Variants in SMIM10L2A observed in about 807,000 individuals in gnomAD.
The protein encoded by SMIM10L2A is small integral membrane protein 10-like protein 2A.
In SMIM10L2A, 2 loss-of-function variants were observed where a neutral mutation model predicts 3.0. The observed-to-expected ratio is 0.66, with a 90% CI of 0.27 to 2.08. The LOEUF (loss-of-function observed/expected upper bound fraction) is 2.08, where lower values mean the gene tolerates loss of function less well. Ranked by LOEUF, SMIM10L2A falls within the 30% of genes most tolerant of loss-of-function variation. The pLI is 0.14. For synonymous variants in SMIM10L2A, 29 were observed against 34.8 expected (o/e 0.83, Z 0.58); for missense variants, 59 against 66.5 (o/e 0.89, Z 0.39).
In SMIM10L2A at chrX:135,427,703, T is replaced by C. The variant is rs2085157952; in HGVS notation, c.*4433T>C. 8.9e-6 allele frequency: 1 copy of C among 112,535 alleles called. No individual in the cohort carries two copies. Among genetic ancestry groups the C allele is most frequent in the Non-Finnish European group, 1.9e-5 (1 of 53,356 alleles). The allele number at this position is 112,535 out of a possible 1,213,427, so 9.3% of individuals were successfully genotyped here. A position where few individuals can be genotyped will look rare whatever the true frequency, so the allele number is the denominator to read the frequency against. On this transcript the variant is annotated 3_prime_UTR_variant, in exon 2 of 2. Coordinates refer to ENST00000417443, the MANE Select transcript of SMIM10L2A (RefSeq NM_203306.3). ...TGTCTTACCATGTTATTATGTATTT[T>C]CCTACATCCAAAGCTACCTAGTATC...
Position 135,426,889 on chromosome X carries a change from G to A in SMIM10L2A, c.*3619G>A, listed in dbSNP as rs781979256. The A allele has an allele frequency of 7.9e-5, 9 of 113,350 alleles. No individual in the cohort carries two copies. The highest frequency in any genetic ancestry group is 1.7e-4 in the Non-Finnish European group (9 of 53,408). 9.3% of individuals were successfully genotyped at this position (113,350 alleles called of 1,213,427 possible). On this transcript the variant is annotated 3_prime_UTR_variant, in exon 2 of 2. Coordinates refer to ENST00000417443, the MANE Select transcript of SMIM10L2A (RefSeq NM_203306.3). ...ACTACTGTGTGGTGCCAGGCAAGCTGTGCACAACCTGGAGTTTTTAGTAAG... is the reference window on the plus strand; with the variant it reads ...ACTACTGTGTGGTGCCAGGCAAGCTATGCACAACCTGGAGTTTTTAGTAAG...
In SMIM10L2A at chrX:135,422,387, G is replaced by C; in HGVS notation, c.*19G>C. On this transcript the variant is annotated 3_prime_UTR_variant, in exon 1 of 2. Coordinates refer to ENST00000417443, the MANE Select transcript of SMIM10L2A (RefSeq NM_203306.3). Reference sequence around the variant, plus strand: ...CGAGTGAGCGCCGGCGGCGGCGGCGGCGAAGGCCCGGCTGAAGGGGCGCCC... The same window carrying C: ...CGAGTGAGCGCCGGCGGCGGCGGCGCCGAAGGCCCGGCTGAAGGGGCGCCC... The C allele has an allele frequency of 1.9e-5, 10 of 537,969 alleles. No individual in the cohort carries two copies. The highest frequency in any genetic ancestry group is 2.7e-5 in the Non-Finnish European group (10 of 376,096). The allele number at this position is 537,969 out of a possible 1,213,427, so 44.3% of individuals were successfully genotyped here.
chrX:135,427,639 A>G lies in SMIM10L2A; in HGVS notation c.*4369A>G, dbSNP rs193145629. Reference sequence around the variant, plus strand: ...CACCTTTTATGTATGTAAAACTACAAACATACTACTTTGAAATCTGATTCC... The same window carrying G: ...CACCTTTTATGTATGTAAAACTACAGACATACTACTTTGAAATCTGATTCC... On this transcript the variant is annotated 3_prime_UTR_variant, in exon 2 of 2. Transcript: ENST00000417443. 2 of 112,607 alleles carry G rather than the reference A, an allele frequency of 1.8e-5. No individual in the cohort carries two copies. The highest frequency in any genetic ancestry group is 6.4e-5 in the African/African-American group (2 of 31,009). 9.3% of individuals were successfully genotyped at this position (112,607 alleles called of 1,213,427 possible).
Position 135,423,687 on chromosome X carries a change from C to T in SMIM10L2A, c.*417C>T, listed in dbSNP as rs781894703. 70 of 113,964 alleles carry T rather than the reference C, an allele frequency of 6.1e-4. No homozygotes were observed. Among genetic ancestry groups the T allele is most frequent in the African/African-American group, 2.1e-3 (66 of 31,454 alleles). 9.4% of individuals were successfully genotyped at this position (113,964 alleles called of 1,213,427 possible). ...CCTTCTCTGGCCTTGCCAAGAGTCA[C>T]ATCCCTGCCCAGGGGCACCTCTGGC... On this transcript the variant is annotated 3_prime_UTR_variant, in exon 2 of 2. Coordinates refer to ENST00000417443, the MANE Select transcript of SMIM10L2A (RefSeq NM_203306.3).
Position 135,427,605 on chromosome X carries a change from C to T in SMIM10L2A, c.*4335C>T, listed in dbSNP as rs187324317. 2.7e-5 allele frequency: 3 copies of T among 112,723 alleles called. No individual in the cohort carries two copies. The highest frequency in any genetic ancestry group is 5.6e-5 in the Non-Finnish European group (3 of 53,301). The allele number at this position is 112,723 out of a possible 1,213,427, so 9.3% of individuals were successfully genotyped here. A position where few individuals can be genotyped will look rare whatever the true frequency, so the allele number is the denominator to read the frequency against. On this transcript the variant is annotated 3_prime_UTR_variant, in exon 2 of 2. Coordinates refer to ENST00000417443, the MANE Select transcript of SMIM10L2A (RefSeq NM_203306.3). ...TTGCTGGGTTTTGGACGAATTTTCACTTTGTGTGCACCTTTTATGTATGTA... is the reference window on the plus strand; with the variant it reads ...TTGCTGGGTTTTGGACGAATTTTCATTTTGTGTGCACCTTTTATGTATGTA...
At chrX:135,423,380 C>T (rs1214086404) in intron 1 of SMIM10L2A, among the ~76,000 whole-genome samples, 4 of 112,848 alleles carry the variant, frequency 3.5e-5, no homozygotes, top group African/African-American at 1.3e-4. Flanking sequence ...GCCCATGCTC[C>T]CTAAGGCCCC....
chrX:135,422,235 C>G lies in SMIM10L2A; in HGVS notation c.104C>G (p.Ala35Gly). 9.2e-7 allele frequency: 1 copy of G among 1,082,187 alleles called. No homozygotes were observed. The allele number at this position is 1,082,187 out of a possible 1,213,427, so 89.2% of individuals were successfully genotyped here. A position where few individuals can be genotyped will look rare whatever the true frequency, so the allele number is the denominator to read the frequency against. ...RSAAARGSYG[A>G]FCKGLTRTLL... ...GCTGCGGCCCGAGGCTCGTACGGCG[C>G]CTTCTGCAAGGGGCTCACGCGCACG... Residue 35 changes from alanine to glycine, a missense_variant, in exon 1 of 2, where the codon GCC (alanine) becomes GGC (glycine). Physicochemically the swap from Ala to Gly is moderately conservative, Grantham distance 60. Transcript: ENST00000417443.
In SMIM10L2A at chrX:135,422,566, G is replaced by A. The variant is rs1195109567; in HGVS notation, c.*198G>A. ...TGGCCCCGGCTGCGGTCTCAGCCCG[G>A]GGGCCCTGGATCGCGCAGAAACGCA... On this transcript the variant is annotated 3_prime_UTR_variant, in exon 1 of 2. Coordinates refer to ENST00000417443, the MANE Select transcript of SMIM10L2A (RefSeq NM_203306.3). The A allele has an allele frequency of 1.7e-5, 4 of 232,819 alleles. No individual in the cohort carries two copies. Among genetic ancestry groups the A allele is most frequent in the African/African-American group, 8.8e-5 (3 of 34,277 alleles). 19.2% of individuals were successfully genotyped at this position (232,819 alleles called of 1,213,427 possible).
Position 135,422,470 on chromosome X carries a change from G to C in SMIM10L2A, c.*102G>C, listed in dbSNP as rs1232227965. On this transcript the variant is annotated 3_prime_UTR_variant, in exon 1 of 2. Coordinates refer to ENST00000417443, the MANE Select transcript of SMIM10L2A (RefSeq NM_203306.3). ...CATGAAGGAAAGCTGGGCCGCGGCG[G>C]GGGGCGGAGGCGGGGCGGCTCGGAC... is the stretch of plus-strand genomic sequence containing the variant. The C allele has an allele frequency of 4.4e-5, 12 of 271,964 alleles. No homozygotes were observed. Among genetic ancestry groups the C allele is most frequent in the Non-Finnish European group, 7.7e-5 (12 of 156,856 alleles). 22.4% of individuals were successfully genotyped at this position (271,964 alleles called of 1,213,427 possible). A position where few individuals can be genotyped will look rare whatever the true frequency, so the allele number is the denominator to read the frequency against.
Position 135,424,363 on chromosome X carries a change from T to G in SMIM10L2A, c.*1093T>G, listed in dbSNP as rs1231452764. 2.7e-5 allele frequency: 3 copies of G among 110,424 alleles called. No individual in the cohort carries two copies. Among genetic ancestry groups the G allele is most frequent in the African/African-American group, 6.6e-5 (2 of 30,183 alleles). 9.1% of individuals were successfully genotyped at this position (110,424 alleles called of 1,213,427 possible). ...TGGGCAAGTGGGGGTGATCTTGGTG[T>G]TGTGGCTCCTGGAGACACGACATAA... On this transcript the variant is annotated 3_prime_UTR_variant, in exon 2 of 2. Coordinates refer to ENST00000417443, the MANE Select transcript of SMIM10L2A (RefSeq NM_203306.3).
In SMIM10L2A at chrX:135,427,073, G is replaced by C. The variant is rs1159917238; in HGVS notation, c.*3803G>C. The C allele has an allele frequency of 8.9e-6, 1 of 112,726 alleles. No homozygotes were observed. Among genetic ancestry groups the C allele is most frequent in the Non-Finnish European group, 1.9e-5 (1 of 53,328 alleles). 9.3% of individuals were successfully genotyped at this position (112,726 alleles called of 1,213,427 possible). On this transcript the variant is annotated 3_prime_UTR_variant, in exon 2 of 2. Coordinates refer to ENST00000417443, the MANE Select transcript of SMIM10L2A (RefSeq NM_203306.3). ...CTGCCATGTGCCAGGCACCATACTA[G>C]GTGCTTTGCATTCCTAATCTCATCA...
Position 135,422,466 on chromosome X carries a change from G to A in SMIM10L2A, c.*98G>A, listed in dbSNP as rs1309236894. On this transcript the variant is annotated 3_prime_UTR_variant, in exon 1 of 2. Coordinates refer to ENST00000417443, the MANE Select transcript of SMIM10L2A (RefSeq NM_203306.3). ...CCGGCATGAAGGAAAGCTGGGCCGCGGCGGGGGGCGGAGGCGGGGCGGCTC... is the reference window on the plus strand; with the variant it reads ...CCGGCATGAAGGAAAGCTGGGCCGCAGCGGGGGGCGGAGGCGGGGCGGCTC... 28 of 269,581 alleles carry A rather than the reference G, an allele frequency of 1.0e-4. No individual in the cohort carries two copies. Among genetic ancestry groups the A allele is most frequent in the Non-Finnish European group, 1.6e-4 (25 of 155,509 alleles). 22.2% of individuals were successfully genotyped at this position (269,581 alleles called of 1,213,427 possible). A position where few individuals can be genotyped will look rare whatever the true frequency, so the allele number is the denominator to read the frequency against.
chrX:135,422,032 G>C lies in SMIM10L2A; in HGVS notation c.-100G>C. 1 of 260,104 alleles carries C rather than the reference G, an allele frequency of 3.8e-6. No homozygotes were observed. The highest frequency in any genetic ancestry group is 6.8e-6 in the Non-Finnish European group (1 of 147,039). The allele number at this position is 260,104 out of a possible 1,213,427, so 21.4% of individuals were successfully genotyped here. On this transcript the variant is annotated 5_prime_UTR_variant, in exon 1 of 2. Coordinates refer to ENST00000417443, the MANE Select transcript of SMIM10L2A (RefSeq NM_203306.3). ...ACGGGGGCGGGGCGGCCGCGGCTCTGGGCGACCCGCTGGGTGCACTAGTGC... is the reference window on the plus strand; with the variant it reads ...ACGGGGGCGGGGCGGCCGCGGCTCTCGGCGACCCGCTGGGTGCACTAGTGC...
In SMIM10L2A at chrX:135,427,188, C is replaced by G. The variant is rs2085156175; in HGVS notation, c.*3918C>G. On this transcript the variant is annotated 3_prime_UTR_variant, in exon 2 of 2. Coordinates refer to ENST00000417443, the MANE Select transcript of SMIM10L2A (RefSeq NM_203306.3). ...TGAAACAGAGCCCCAAGAAGAAGCT[C>G]TTTTCCTGAGCTACCAGTGCCCCTT... The G allele has an allele frequency of 8.9e-6, 1 of 112,632 alleles. No individual in the cohort carries two copies. The highest frequency in any genetic ancestry group is 1.9e-5 in the Non-Finnish European group (1 of 53,348). 9.3% of individuals were successfully genotyped at this position (112,632 alleles called of 1,213,427 possible).
In SMIM10L2A at chrX:135,424,285, G is replaced by C. The variant is rs1472521640; in HGVS notation, c.*1015G>C. 9.0e-6 allele frequency: 1 copy of C among 111,053 alleles called. No homozygotes were observed. The allele number at this position is 111,053 out of a possible 1,213,427, so 9.2% of individuals were successfully genotyped here. A position where few individuals can be genotyped will look rare whatever the true frequency, so the allele number is the denominator to read the frequency against. On this transcript the variant is annotated 3_prime_UTR_variant, in exon 2 of 2. Transcript: ENST00000417443. ...ACATCCTAGCCTCTCACCCCACCTGGAGCTTCACCAAGGGCTCCTCAGCAG... is the reference window on the plus strand; with the variant it reads ...ACATCCTAGCCTCTCACCCCACCTGCAGCTTCACCAAGGGCTCCTCAGCAG...
intron 1 of SMIM10L2A, among the ~76,000 whole-genome samples, chrX:135,422,993 C>A (rs190226135): frequency 0.016 from 1,851 of 112,328 alleles, 30 homozygotes; most frequent in Non-Finnish European, 0.021. Flanking sequence ...CAGGGTGTCC[C>A]CTGAACCCTG....
chrX:135,423,563 T>TC (rs1371843503), intron 1 of SMIM10L2A, 70 bp from the exon 2 acceptor site: 1 of 113,676 alleles, frequency 8.8e-6, no homozygotes, highest in Non-Finnish European at 1.9e-5. Context: ...AGGAGGCCAT[T>TC]CCCGGGGGAA....
At position 135,424,577 on chromosome X, in the gene SMIM10L2A, C is replaced by T. The variant is rs1416859579; in HGVS notation, c.*1307C>T. 1 of 111,083 alleles carries T rather than the reference C, an allele frequency of 9.0e-6. No individual in the cohort carries two copies. Among genetic ancestry groups the T allele is most frequent in the Admixed American group, 9.5e-5 (1 of 10,579 alleles). 9.2% of individuals were successfully genotyped at this position (111,083 alleles called of 1,213,427 possible). A position where few individuals can be genotyped will look rare whatever the true frequency, so the allele number is the denominator to read the frequency against. On this transcript the variant is annotated 3_prime_UTR_variant, in exon 2 of 2. Transcript: ENST00000417443. ...CTGGTGTACAATGCTCAGGAGCAGC[C>T]CAGAGGGGAGCCGGGAAGGGACCCT...
rs1429683973 is a variant in SMIM10L2A, at chrX:135,422,429, C to G, written c.*61C>G. On this transcript the variant is annotated 3_prime_UTR_variant, in exon 1 of 2. Transcript: ENST00000417443. ...GGGGCGCCCGTGTCCCCGCCCGCCC[C>G]CGGCCGGGTCGCCGGCATGAAGGAA... is the stretch of plus-strand genomic sequence containing the variant. 5 of 324,316 alleles carry G rather than the reference C, an allele frequency of 1.5e-5. No homozygotes were observed. The highest frequency in any genetic ancestry group is 2.5e-5 in the Non-Finnish European group (5 of 200,865). The allele number at this position is 324,316 out of a possible 1,213,427, so 26.7% of individuals were successfully genotyped here.
Sources: gnomAD v4.1 joint callset for allele counts (sites outside exome capture counted in the v4.1 genomes callset) on GRCh38, gnomAD v4.1.1 for gene constraint, MANE v1.5 for transcripts, NCBI Gene and HGNC (gene_info 2026-07-23, HGNC 2026-07-21) for gene names.